The following STIL variants were observed in gnomAD, a reference collection of about 807,000 sequenced individuals.
STIL encodes SCL-interrupting locus protein.
Under a neutral mutation model 110.1 loss-of-function variants are expected in STIL, and 55 were observed. The ratio of observed to expected loss-of-function variants is 0.50; its 90% CI spans 0.40 to 0.63. The LOEUF is 0.63. Among genes scored for constraint, STIL ranks in the 20% least tolerant of loss-of-function variants. STIL has a pLI of 0.00. For missense variants in STIL, 1,358 were observed against 1,530.0 expected, an observed-to-expected ratio of 0.89 and a Z score of 1.87; for synonymous variants, 481 against 530.0, an observed-to-expected ratio of 0.91 and a Z score of 1.27.
At position 47,302,311 on chromosome 1, in the gene STIL, C is replaced by T. The variant is rs767031800; in HGVS notation, c.188G>A (p.Arg63Gln). Residue 63 changes from arginine to glutamine, a missense_variant, in exon 4 of 17, where the codon CGA (arginine) becomes CAA (glutamine). Transcript: ENST00000371877. Reference sequence around the variant, plus strand: ...CTGCTTAGCATGACGATAAGCAAGTCGGATGGTCTTCTCAGTCACCACAAG... The same window carrying T: ...CTGCTTAGCATGACGATAAGCAAGTTGGATGGTCTTCTCAGTCACCACAAG... Reference protein sequence around the residue: ...PKLVVTEKTIRLAYRHAKQNK... With the variant: ...PKLVVTEKTIQLAYRHAKQNK... The T allele has an allele frequency of 2.0e-5, 32 of 1,613,876 alleles. No individual in the cohort carries two copies. The highest frequency in any genetic ancestry group is 1.6e-4 in the Middle Eastern group (1 of 6,084).
chr1:47,273,088 G>A (rs1012398850), intron 12 of STIL, among the ~76,000 whole-genome samples: 2 of 152,060 alleles, frequency 1.3e-5, no homozygotes, highest in African/African-American at 2.4e-5. Context: ...TTTTTTACAA[G>A]TAAGAAAACC....
At chr1:47,302,566 T>C (rs761793900) in intron 3 of STIL, among the ~76,000 whole-genome samples, 1 of 152,206 alleles carries the variant, frequency 6.6e-6, no homozygotes. Flanking sequence ...TCCAGGCATT[T>C]TGTTAACTTT....
Position 47,251,331 on chromosome 1 carries a change from T to C in STIL, c.3672A>G (p.Lys1224=), listed in dbSNP as rs750904353. Residue 1224 remains lysine, a synonymous_variant, in exon 17 of 17, where the codon AAA becomes AAG. Transcript: ENST00000371877. ...EKPAFLVKNL[K]PSPAVNLRTG... Reference sequence around the variant, plus strand: ...TTCGAAGGTTCACTGCAGGACTTGGTTTAAGGTTCTTTACTAAGAAAGCTG... The same window carrying C: ...TTCGAAGGTTCACTGCAGGACTTGGCTTAAGGTTCTTTACTAAGAAAGCTG... 6.2e-7 allele frequency: 1 copy of C among 1,614,226 alleles called. No individual in the cohort carries two copies. The highest frequency in any genetic ancestry group is 1.7e-5 in the Admixed American group (1 of 60,028).
Position 47,289,636 on chromosome 1 carries a change from C to T in STIL, c.873-51G>A, listed in dbSNP as rs529390705. On this transcript the variant is annotated intron_variant, in intron 8 of 16. Coordinates refer to ENST00000371877, the MANE Select transcript of STIL (RefSeq NM_001048166.1). ...AAATTTAATGAGGATAACATGATGA[C>T]ACTCAAATAACTTCATGTGAGTCTC... 8.0e-6 allele frequency: 12 copies of T among 1,504,688 alleles called. No individual in the cohort carries two copies. In the East Asian group the frequency reaches 2.5e-4, roughly 31 times the overall value. 93.2% of individuals were successfully genotyped at this position (1,504,688 alleles called of 1,614,324 possible).
chr1:47,282,401 C>T lies in STIL; in HGVS notation c.1192G>A (p.Glu398Lys), dbSNP rs1219432309. 6.2e-7 allele frequency: 1 copy of T among 1,613,336 alleles called. No homozygotes were observed. Among genetic ancestry groups the T allele is most frequent in the Non-Finnish European group, 8.5e-7 (1 of 1,179,772 alleles). Reference protein sequence around the residue: ...MPIHDHDSGVEDEDFSPRPIP... With the variant: ...MPIHDHDSGVKDEDFSPRPIP... ...GGTCTTGGAGAAAAATCTTCATCTT[C>T]AACACCAGAGTCGTGATCATGTATT... Residue 398 changes from glutamate (E) to lysine (K), a missense_variant, in exon 11 of 17, where the codon GAA becomes AAA. By Grantham distance (56) the Glu-to-Lys change is moderately conservative. Coordinates refer to ENST00000371877, the MANE Select transcript of STIL (RefSeq NM_001048166.1).
intron 13 of STIL, among the ~76,000 whole-genome samples, chr1:47,270,615 T>G (rs1293658561): frequency 6.6e-6 from 1 of 151,088 alleles, no homozygotes; most frequent in Non-Finnish European, 1.5e-5. Context: ...GCATCAGACA[T>G]CTGTAATATC....
chr1:47,265,874 C>T (rs1328552027), intron 14 of STIL, among the ~76,000 whole-genome samples: 1 of 150,196 alleles, frequency 6.7e-6, no homozygotes, highest in Non-Finnish European at 1.5e-5. Context: ...GCAGACTCAA[C>T]TTCCCAGGCT....
intron 16 of STIL, among the ~76,000 whole-genome samples, chr1:47,252,408 T>TA (rs933020879): frequency 4.6e-4 from 69 of 150,880 alleles, no homozygotes; most frequent in Admixed American, 1.6e-3. Context: ...AAAGAAAAAA[T>TA]AAAAAAAGGG....
intron 8 of STIL, among the ~76,000 whole-genome samples, chr1:47,292,212 A>C (rs1352595121): frequency 2.0e-5 from 3 of 151,942 alleles, no homozygotes; most frequent in Admixed American, 1.3e-4. Context: ...AGTACTGTGA[A>C]CATAATAGAT....
At chr1:47,285,844 T>C (rs1288456187) in intron 10 of STIL, among the ~76,000 whole-genome samples, 2 of 152,034 alleles carry the variant, frequency 1.3e-5, no homozygotes, top group African/African-American at 4.8e-5. Flanking sequence ...TTCAAGTGTG[T>C]TTTAGAAGTT....
intron 9 of STIL, among the ~76,000 whole-genome samples, chr1:47,288,610 T>G (rs1156627128): frequency 1.3e-5 from 2 of 152,114 alleles, no homozygotes; most frequent in Non-Finnish European, 2.9e-5. Flanking sequence ...AGATCTACTT[T>G]TTCTATGATC....
intron 3 of STIL, among the ~76,000 whole-genome samples, chr1:47,303,488 A>C (rs1205746458): frequency 6.6e-6 from 1 of 152,112 alleles, no homozygotes; most frequent in Non-Finnish European, 1.5e-5. Context: ...TCGCTTGTAC[A>C]TGGGAGGCGG....
At chr1:47,264,756 AC>A (rs1166264355) in intron 14 of STIL, among the ~76,000 whole-genome samples, 13 of 152,126 alleles carry the variant, frequency 8.5e-5, no homozygotes, top group Non-Finnish European at 1.9e-4. Flanking sequence ...AAGCACCAAA[AC>A]CATCATAGAC....
intron 16 of STIL, among the ~76,000 whole-genome samples, chr1:47,257,083 A>T (rs1423098427): frequency 6.6e-6 from 1 of 151,278 alleles, no homozygotes; most frequent in Non-Finnish European, 1.5e-5. Context: ...GCAGAAAGGT[A>T]AAAAAAAAGA....
In STIL at chr1:47,263,088, G is replaced by A; in HGVS notation, c.2644C>T (p.Pro882Ser). 1 of 1,614,146 alleles carries A rather than the reference G, an allele frequency of 6.2e-7. No homozygotes were observed. The highest frequency in any genetic ancestry group is 2.2e-5 in the East Asian group (1 of 44,882). The part of the protein sequence containing the change: ...NSSSLVVRKE[P>S]DVPVFFPSGQ... ...CTTGGAAAGAACACAGGTACATCAG[G>A]TTCTTTTCTCACAACTAGAGAAGAG... Residue 882 changes from proline (P) to serine (S), a missense_variant, in exon 15 of 17, where the codon CCT becomes TCT. Transcript: ENST00000371877.
At position 47,251,701 on chromosome 1, in the gene STIL, G is replaced by T; in HGVS notation, c.3302C>A (p.Thr1101Lys). ...CDPFSLLHIN[T>K]DRSTVGLSLI... ...ACTAAGCCCCACTGTGCTTCTGTCT[G>T]TATTAATATGGAGAAGGCTGAATGG... The change falls in exon 17 of 17, where the codon ACA (threonine) becomes AAA (lysine). Residue 1101 changes from threonine to lysine, a missense_variant. Physicochemically the swap from Thr to Lys is moderately conservative, Grantham distance 78 (BLOSUM62 -1). Coordinates refer to ENST00000371877, the MANE Select transcript of STIL (RefSeq NM_001048166.1). The T allele has an allele frequency of 9.3e-6, 15 of 1,614,200 alleles. No individual in the cohort carries two copies. The highest frequency in any genetic ancestry group is 1.3e-5 in the Non-Finnish European group (15 of 1,180,034).
At chr1:47,293,411 G>A (rs757384893) in intron 8 of STIL, 47 bp downstream of exon 8, 29 of 1,474,416 alleles carry the variant, frequency 2.0e-5, no homozygotes, top group Non-Finnish European at 2.4e-5. Flanking sequence ...AACTATGAAT[G>A]GGGGAAAGGA....
At chr1:47,263,475 C>CG in intron 14 of STIL, among the ~76,000 whole-genome samples, 1 of 152,184 alleles carries the variant, frequency 6.6e-6, no homozygotes, top group Non-Finnish European at 1.5e-5. Context: ...CCCAGGAATT[C>CG]GAGGCTGCAG....
intron 2 of STIL, among the ~76,000 whole-genome samples, chr1:47,309,350 T>G (rs556629108): frequency 6.6e-6 from 1 of 152,096 alleles, no homozygotes; most frequent in African/African-American, 2.4e-5. Flanking sequence ...CAGGCTGATT[T>G]TGAACTCCTG....
Sources: gnomAD v4.1 joint callset for allele counts (sites outside exome capture counted in the v4.1 genomes callset) on GRCh38, gnomAD v4.1.1 for gene constraint, MANE v1.5 for transcripts, NCBI Gene and HGNC (gene_info 2026-07-23, HGNC 2026-07-21) for gene names.